Variants in ADARB2 observed in about 807,000 individuals in gnomAD.
ADARB2 encodes the protein inactive double-stranded RNA-specific editase B2.
In ADARB2, 25 loss-of-function variants were observed where a neutral mutation model predicts 62.2. The ratio of observed to expected loss-of-function variants is 0.40; its 90% CI spans 0.29 to 0.56. The LOEUF (loss-of-function observed/expected upper bound fraction) is 0.56, where lower values mean the gene tolerates loss of function less well. ADARB2 is among the 20% of genes least tolerant of loss of function. The pLI is 0.43. For missense variants in ADARB2, 1,071 were observed against 1,077.4 expected (o/e 0.99, Z 0.08); for synonymous variants, 572 against 500.8 (o/e 1.14, Z -1.90).
At position 1,732,880 on chromosome 10, in the gene ADARB2, C is replaced by T. The variant is rs145696379; in HGVS notation, c.100+4171G>A. Among the ~76,000 whole-genome samples, 634 of 152,342 alleles carry T rather than the reference C, an allele frequency of 4.2e-3. 6 individuals carry two copies. Among genetic ancestry groups the T allele is most frequent in the Non-Finnish European group, 7.3e-3 (500 of 68,036 alleles). On this transcript the variant is annotated intron_variant, in intron 1 of 9. Coordinates refer to ENST00000381312, the MANE Select transcript of ADARB2 (RefSeq NM_018702.4). ...TGCTCGACTTATTTTGTTCCTTTTG[C>T]CAACTTTTTATTTGCATTTCACAAC...
At chr10:1,450,354 T>C (rs1588262380) in intron 1 of ADARB2, among the ~76,000 whole-genome samples, 1 of 152,134 alleles carries the variant, frequency 6.6e-6, no homozygotes, top group Admixed American at 6.5e-5. Context: ...GCTGGAAGGG[T>C]GCTTTTTCTT....
chr10:1,493,375 T>C (rs1306774673), intron 1 of ADARB2, among the ~76,000 whole-genome samples: 1 of 152,222 alleles, frequency 6.6e-6, no homozygotes, highest in Non-Finnish European at 1.5e-5. Flanking sequence ...GGTATATTTT[T>C]GTATTAAGTA....
At chr10:1,296,931 AGG>A (rs1048688695) in intron 3 of ADARB2, among the ~76,000 whole-genome samples, 4 of 152,170 alleles carry the variant, frequency 2.6e-5, no homozygotes, top group Non-Finnish European at 5.9e-5. Context: ...CGCTGCCTTC[AGG>A]GCAGTAACAG....
chr10:1,211,989 T>C (rs1431312227), intron 7 of ADARB2, among the ~76,000 whole-genome samples: 1 of 152,170 alleles, frequency 6.6e-6, no homozygotes, highest in Non-Finnish European at 1.5e-5. Flanking sequence ...TGACGCTGGC[T>C]CCTGTGCATC....
chr10:1,304,178 A>G (rs1446814786), intron 3 of ADARB2, among the ~76,000 whole-genome samples: 2 of 152,306 alleles, frequency 1.3e-5, no homozygotes, highest in East Asian at 3.9e-4. Flanking sequence ...GGATGGAGGA[A>G]GATCTACCAA....
intron 1 of ADARB2, among the ~76,000 whole-genome samples, chr10:1,687,533 C>T (rs1225978037): frequency 6.6e-6 from 1 of 151,754 alleles, no homozygotes; most frequent in Non-Finnish European, 1.5e-5. Context: ...TTGGCACCAC[C>T]AAGACAGCCT....
chr10:1,389,825 A>G (rs370089989), intron 1 of ADARB2, among the ~76,000 whole-genome samples: 2 of 152,076 alleles, frequency 1.3e-5, no homozygotes, highest in Admixed American at 6.5e-5. Flanking sequence ...ACATGTTTAC[A>G]TGTCAGTAAC....
At chr10:1,310,469 A>G (rs1418050421) in intron 3 of ADARB2, among the ~76,000 whole-genome samples, 2 of 151,224 alleles carry the variant, frequency 1.3e-5, no homozygotes, top group East Asian at 3.8e-4. Context: ...ACAGAGGAAG[A>G]AGAGATAAGA....
At chr10:1,349,402 T>G (rs1404155552) in intron 3 of ADARB2, among the ~76,000 whole-genome samples, 5 of 152,162 alleles carry the variant, frequency 3.3e-5, no homozygotes, top group Admixed American at 3.3e-4. Context: ...TGGTGGTCCT[T>G]TCACACGAAC....
intron 1 of ADARB2, among the ~76,000 whole-genome samples, chr10:1,473,984 G>A (rs1454942649): frequency 6.7e-6 from 1 of 150,068 alleles, no homozygotes; most frequent in Non-Finnish European, 1.5e-5. Flanking sequence ...GCCTTTCCTT[G>A]CTGAGCCCCC....
intron 6 of ADARB2, among the ~76,000 whole-genome samples, chr10:1,221,832 G>C (rs570871459): frequency 1.3e-5 from 2 of 152,246 alleles, no homozygotes; most frequent in African/African-American, 4.8e-5. Flanking sequence ...TGGACATTTA[G>C]GTTGGTTCCA....
intron 1 of ADARB2, among the ~76,000 whole-genome samples, chr10:1,599,389 T>C (rs1325958271): frequency 6.6e-6 from 1 of 152,196 alleles, no homozygotes; most frequent in Non-Finnish European, 1.5e-5. Flanking sequence ...TGTGTGTCAC[T>C]TTGACCTGCA....
chr10:1,514,959 C>T (rs73582376), intron 1 of ADARB2, among the ~76,000 whole-genome samples: 4,793 of 151,930 alleles, frequency 0.032, 243 homozygotes, highest in African/African-American at 0.11. Context: ...AGAGAAAGGA[C>T]ACAGAAAAGG....
At chr10:1,388,995 G>T (rs973774667) in intron 1 of ADARB2, among the ~76,000 whole-genome samples, 1 of 152,214 alleles carries the variant, frequency 6.6e-6, no homozygotes, top group Non-Finnish European at 1.5e-5. Flanking sequence ...ATAGAATCAA[G>T]TCTGTATGAT....
chr10:1,548,338 A>C (rs1832558133), intron 1 of ADARB2, among the ~76,000 whole-genome samples: 1 of 152,162 alleles, frequency 6.6e-6, no homozygotes, highest in African/African-American at 2.4e-5. Flanking sequence ...CAATTTGTGG[A>C]CTTTCACAAT....
intron 1 of ADARB2, among the ~76,000 whole-genome samples, chr10:1,423,213 G>A (rs932409325): frequency 2.0e-5 from 3 of 152,290 alleles, no homozygotes; most frequent in Non-Finnish European, 2.9e-5. Flanking sequence ...GTCCTGGCCC[G>A]GGCCCTTGTC....
At chr10:1,445,074 C>A (rs1281613283) in intron 1 of ADARB2, among the ~76,000 whole-genome samples, 1 of 151,310 alleles carries the variant, frequency 6.6e-6, no homozygotes, top group Non-Finnish European at 1.5e-5. Flanking sequence ...TCCTTCCCTC[C>A]ATTCATCCAT....
intron 1 of ADARB2, among the ~76,000 whole-genome samples, chr10:1,381,000 T>C (rs1271887731): frequency 6.6e-6 from 1 of 152,240 alleles, no homozygotes; most frequent in Non-Finnish European, 1.5e-5. Flanking sequence ...TGTAAGATAT[T>C]TAAGGATTGT....
intron 3 of ADARB2, among the ~76,000 whole-genome samples, chr10:1,303,140 G>T (rs1831591458): frequency 6.6e-6 from 1 of 151,644 alleles, no homozygotes; most frequent in Non-Finnish European, 1.5e-5. Context: ...AAAAAATTTA[G>T]AAGAATTTGT....
Sources: gnomAD v4.1 joint callset for allele counts (sites outside exome capture counted in the v4.1 genomes callset) on GRCh38, gnomAD v4.1.1 for gene constraint, MANE v1.5 for transcripts, NCBI Gene and HGNC (gene_info 2026-07-23, HGNC 2026-07-21) for gene names.